The following SMC3 variants were observed in gnomAD, a reference collection of about 807,000 sequenced individuals.
SMC3 encodes the protein structural maintenance of chromosomes protein 3.
Under a neutral mutation model 171.8 loss-of-function variants are expected in SMC3, and 20 were observed. The observed-to-expected ratio is 0.12, with a 90% CI of 0.08 to 0.17. The LOEUF is 0.17. Among genes scored for constraint, SMC3 ranks in the 10% least tolerant of loss-of-function variants. SMC3 has a pLI of 1.00. For synonymous variants in SMC3, 464 were observed against 451.1 expected (o/e 1.03, Z -0.36); for missense variants, 543 against 1,420.4 (o/e 0.38, Z 9.93).
intron 4 of SMC3, among the ~76,000 whole-genome samples, chr10:110,576,734 A>G (rs888707866): frequency 3.3e-5 from 5 of 152,208 alleles, no homozygotes; most frequent in Non-Finnish European, 7.4e-5. Context: ...TCAGATTGGC[A>G]TTAAAATAAT....
At chr10:110,570,533 C>T (rs1450719601) in intron 2 of SMC3, among the ~76,000 whole-genome samples, 1 of 151,986 alleles carries the variant, frequency 6.6e-6, no homozygotes. Context: ...CATATAAGTA[C>T]TTTCTGATTT....
At position 110,590,953 on chromosome 10, in the gene SMC3, GT is replaced by G. The variant is rs776504326; in HGVS notation, c.1671-37del. On this transcript the variant is annotated intron_variant, in intron 16 of 28. Transcript: ENST00000361804. ...TTTGGGCAACATAGGGAGACCCTGA[GT>G]ACCAATAAAGATTTGTCTTACTCTG... The G allele has an allele frequency of 7.5e-6, 12 of 1,601,750 alleles. No individual in the cohort carries two copies. In the African/African-American group the frequency reaches 1.6e-4, roughly 21 times the overall value.
chr10:110,574,049 C>T (rs1218670474), intron 3 of SMC3, among the ~76,000 whole-genome samples: 1 of 152,024 alleles, frequency 6.6e-6, no homozygotes, highest in African/African-American at 2.4e-5. Flanking sequence ...GAATGGAATG[C>T]AATAGTATGT....
intron 20 of SMC3, 43 bp from the exon 21 acceptor site, chr10:110,599,611 A>C (rs1020348790): frequency 1.3e-6 from 2 of 1,568,750 alleles, no homozygotes; most frequent in Non-Finnish European, 1.7e-6. Flanking sequence ...TATAAGTAAT[A>C]CAGTGGCTAA....
At chr10:110,600,178 A>G (rs972266519) in intron 21 of SMC3, among the ~76,000 whole-genome samples, 2 of 152,230 alleles carry the variant, frequency 1.3e-5, no homozygotes, top group African/African-American at 4.8e-5. Flanking sequence ...GTAAACTACC[A>G]ACACCGATTC....
At chr10:110,573,601 A>G in intron 2 of SMC3, 106 bp from the exon 3 acceptor site, 1 of 737,964 alleles carries the variant, frequency 1.4e-6, no homozygotes, top group Non-Finnish European at 2.3e-6. Flanking sequence ...GTTAAGATGT[A>G]TTAGAAAATT....
At chr10:110,575,296 CT>C in intron 3 of SMC3, 39 bp from the exon 4 acceptor site, 1 of 1,512,692 alleles carries the variant, frequency 6.6e-7, no homozygotes, top group Non-Finnish European at 9.2e-7. Flanking sequence ...GTTATAAACA[CT>C]TTTTTAGGGT....
intron 19 of SMC3, among the ~76,000 whole-genome samples, chr10:110,597,520 T>TA (rs1861318847): frequency 6.6e-6 from 1 of 152,248 alleles, no homozygotes; most frequent in Non-Finnish European, 1.5e-5. Context: ...TGCAGATTTA[T>TA]AACTTCTGTG....
rs1861188000 is a variant in SMC3, at chr10:110,590,405, C to T, written c.1510-7C>T. 6.2e-7 allele frequency: 1 copy of T among 1,612,660 alleles called. No individual in the cohort carries two copies. Among genetic ancestry groups the T allele is most frequent in the Non-Finnish European group, 8.5e-7 (1 of 1,178,762 alleles). ...TTTTAATATTTTTCATTTCTGACAA[C>T]TTACAGGCCATTTTAAATGGAATAG... On this transcript the variant is annotated splice_region_variant and splice_polypyrimidine_tract_variant and intron_variant, in intron 15 of 28. Coordinates refer to ENST00000361804, the MANE Select transcript of SMC3 (RefSeq NM_005445.4).
chr10:110,603,321 G>A (rs1421234865), intron 28 of SMC3, 31 bp downstream of exon 28: 1 of 1,291,792 alleles, frequency 7.7e-7, no homozygotes, highest in South Asian at 1.2e-5. Flanking sequence ...GTTTAAGTTT[G>A]TATTTATTCA....
rs141489151 is a variant in SMC3 at position 110,602,730 on chromosome 10, G to A, written c.3297+65G>A. 3.8e-5 allele frequency: 60 copies of A among 1,574,902 alleles called. 1 individual carries two copies. The African/African-American group carries it at 7.3e-4, about 19-fold the overall frequency. On this transcript the variant is annotated intron_variant, in intron 26 of 28. Coordinates refer to ENST00000361804, the MANE Select transcript of SMC3 (RefSeq NM_005445.4). ...CATAATAGAATTTATAGTATCTTTT[G>A]CAAATCTGATTGGTGCATTATATGC...
rs183302719 is a variant in SMC3 at position 110,586,647 on chromosome 10, G to A, written c.1305+2251G>A. 1.1e-4 allele frequency among the ~76,000 whole-genome samples: 17 copies of A among 152,094 alleles called. No individual in the cohort carries two copies. The East Asian group carries it at 2.7e-3, about 24-fold the overall frequency. On this transcript the variant is annotated intron_variant, in intron 13 of 28. Coordinates refer to ENST00000361804, the MANE Select transcript of SMC3 (RefSeq NM_005445.4). ...CTTTGGACAGAGATGATTTTATGGC[G>A]CTGATTTTGTTATGTAAATAGCCTT... is the stretch of plus-strand genomic sequence containing the variant.
chr10:110,602,694 CAG>C (rs1173540693), intron 26 of SMC3, 29 bp downstream of exon 26: 1 of 1,590,290 alleles, frequency 6.3e-7, no homozygotes, highest in Non-Finnish European at 8.6e-7. Context: ...CCATTTTCCT[CAG>C]AGCATTACCA....
chr10:110,582,423 A>T, intron 9 of SMC3, 139 bp from the exon 10 acceptor site: 1 of 705,722 alleles, frequency 1.4e-6, no homozygotes, highest in Non-Finnish European at 2.4e-6. Context: ...TTTCTAGTTT[A>T]AAATCATTTT....
chr10:110,596,222 CAAAAA>C (rs55837501), intron 18 of SMC3, among the ~76,000 whole-genome samples, 171 bp from the exon 19 acceptor site: 1 of 124,832 alleles, frequency 8.0e-6, no homozygotes, highest in African/African-American at 3.1e-5. Flanking sequence ...GACCCTGTCT[CAAAAA>C]AAAAAAAAAA....
chr10:110,578,785 T>G lies in SMC3; in HGVS notation c.429+79T>G, dbSNP rs923468340. On this transcript the variant is annotated intron_variant, in intron 7 of 28. Transcript: ENST00000361804. ...GAGTGATGAATTTGGTTTATTGATT[T>G]GAGTGGTTAAGCTGAAGCAAAAATG... is the stretch of plus-strand genomic sequence containing the variant. 12 of 1,171,474 alleles carry G rather than the reference T, an allele frequency of 1.0e-5. No homozygotes were observed. In the African/African-American group the frequency reaches 1.7e-4, roughly 16 times the overall value. 72.6% of individuals were successfully genotyped at this position (1,171,474 alleles called of 1,614,324 possible). A position where few individuals can be genotyped will look rare whatever the true frequency, so the allele number is the denominator to read the frequency against.
chr10:110,599,013 T>A (rs1427233604), intron 20 of SMC3, among the ~76,000 whole-genome samples: 1 of 151,408 alleles, frequency 6.6e-6, no homozygotes, highest in African/African-American at 2.4e-5. Context: ...AATCTTTTAC[T>A]TAGTATAATA....
At chr10:110,595,133 C>T (rs1347594756) in intron 18 of SMC3, among the ~76,000 whole-genome samples, 4 of 151,956 alleles carry the variant, frequency 2.6e-5, no homozygotes, top group Non-Finnish European at 5.9e-5. Context: ...CAGACATGCG[C>T]CACTATGCCC....
intron 25 of SMC3, 58 bp from the exon 26 acceptor site, chr10:110,602,416 T>C (rs1210652371): frequency 7.4e-7 from 1 of 1,360,274 alleles, no homozygotes; most frequent in Middle Eastern, 2.5e-4. Flanking sequence ...AATATTTTAC[T>C]TAAGTGTTAT....
Sources: gnomAD v4.1 joint callset for allele counts (sites outside exome capture counted in the v4.1 genomes callset) on GRCh38, gnomAD v4.1.1 for gene constraint, MANE v1.5 for transcripts, NCBI Gene and HGNC (gene_info 2026-07-23, HGNC 2026-07-21) for gene names.